Variants in PUS7 observed in about 807,000 individuals in gnomAD.
PUS7 encodes pseudouridine synthase 7, also known as pseudouridylate synthase 7 homolog.
PUS7 carries 48 observed loss-of-function variants against 79.8 expected under a neutral mutation model. The ratio of observed to expected loss-of-function variants is 0.60; its 90% CI spans 0.48 to 0.76. The LOEUF is 0.76. PUS7 is among the 30% of genes least tolerant of loss of function. The pLI, the probability that PUS7 is intolerant of heterozygous loss-of-function variation, is 0.00. For missense variants in PUS7, 729 were observed against 797.6 expected, an observed-to-expected ratio of 0.91 and a Z score of 1.04; for synonymous variants, 286 against 272.2, an observed-to-expected ratio of 1.05 and a Z score of -0.50.
At chr7:105,505,912 C>T in intron 4 of PUS7, 43 bp downstream of exon 4, 1 of 1,504,942 alleles carries the variant, frequency 6.6e-7, no homozygotes. Flanking sequence ...CAAAAAGCAA[C>T]TAAAACCCTA....
intron 1 of PUS7, among the ~76,000 whole-genome samples, chr7:105,513,042 T>A (rs1825759292): frequency 6.6e-6 from 1 of 151,970 alleles, no homozygotes; most frequent in Non-Finnish European, 1.5e-5. Context: ...GAAGAGCAGG[T>A]GTTGGAAGAA....
rs1454813088 is a variant in PUS7, at chr7:105,459,180, C to T, written c.1837G>A (p.Val613Ile). 2 of 1,608,286 alleles carry T rather than the reference C, an allele frequency of 1.2e-6. No homozygotes were observed. The highest frequency in any genetic ancestry group is 3.4e-5 in the Admixed American group (2 of 59,554). The change falls in exon 15 of 16, where the codon GTT (valine) becomes ATT (isoleucine). Residue 613 changes from valine (V) to isoleucine (I), a missense_variant. Transcript: ENST00000469408. The part of the protein sequence containing the change: ...VDNLEGKTPP[V>I]FASEGKYRAL... The stretch of plus-strand genomic sequence containing the variant: ...TGAGTAAACTTACCAGAAGCAAAAA[C>T]TGGTGGTGTCTTCCCTTCTAGGTTG...
At chr7:105,516,101 G>A (rs368430465) in intron 1 of PUS7, among the ~76,000 whole-genome samples, 6 of 151,746 alleles carry the variant, frequency 4.0e-5, no homozygotes, top group East Asian at 2.0e-4. Flanking sequence ...GAGCCACCAC[G>A]CCTGGCCTAA....
intron 9 of PUS7, among the ~76,000 whole-genome samples, chr7:105,476,729 A>T (rs1824127401): frequency 6.6e-6 from 1 of 152,190 alleles, no homozygotes; most frequent in Admixed American, 6.5e-5. Flanking sequence ...CCACCAGCAA[A>T]GCCCAGGTTT....
In PUS7 at chr7:105,493,466, G is replaced by A. The variant is rs536843719; in HGVS notation, c.842+1676C>T. Among the ~76,000 whole-genome samples, 4 of 152,290 alleles carry A rather than the reference G, an allele frequency of 2.6e-5. 1 individual carries two copies. The highest frequency in any genetic ancestry group is 9.6e-5 in the African/African-American group (4 of 41,562). ...GCATAGTAGCACAGACTCTCTCCCA[G>A]GGAGTTAATAAATAGAGCAAAATAA... On this transcript the variant is annotated intron_variant, in intron 6 of 15. Coordinates refer to ENST00000469408, the MANE Select transcript of PUS7 (RefSeq NM_019042.5).
chr7:105,466,947 G>A (rs559466670), intron 12 of PUS7, among the ~76,000 whole-genome samples: 1 of 149,428 alleles, frequency 6.7e-6, no homozygotes, highest in Non-Finnish European at 1.5e-5. Context: ...AGCAGATCAT[G>A]TATTCAGCTA....
At chr7:105,501,948 C>T (rs750262283) in intron 5 of PUS7, among the ~76,000 whole-genome samples, 17 of 59,312 alleles carry the variant, frequency 2.9e-4, no homozygotes, top group Non-Finnish European at 4.8e-4. Flanking sequence ...GGGCGAGACT[C>T]CGTCTCAAAA....
intron 1 of PUS7, among the ~76,000 whole-genome samples, chr7:105,520,355 AGGC>A (rs1470519834): frequency 5.1e-4 from 77 of 152,224 alleles, no homozygotes; most frequent in African/African-American, 1.8e-3. Flanking sequence ...GCTACTCGGG[AGGC>A]TGAGGCAGGA....
chr7:105,462,498 T>C (rs998216215), intron 14 of PUS7, 123 bp downstream of exon 14: 3 of 1,001,576 alleles, frequency 3.0e-6, no homozygotes, highest in African/African-American at 3.4e-5. Context: ...GATACCACCA[T>C]CATATAAGCA....
At chr7:105,460,827 C>T (rs1176779830) in intron 14 of PUS7, among the ~76,000 whole-genome samples, 1 of 113,680 alleles carries the variant, frequency 8.8e-6, no homozygotes, top group African/African-American at 3.4e-5. Flanking sequence ...GCACTCCAGC[C>T]TGGGCGACAG....
chr7:105,471,985 TATAA>T (rs56140229), intron 10 of PUS7, 143 bp downstream of exon 10: 12,833 of 540,664 alleles, frequency 0.024, 202 homozygotes, highest in African/African-American at 0.036. Context: ...TGTTGAAAAA[TATAA>T]ATAAACTTAT....
chr7:105,462,683 A>G lies in PUS7; in HGVS notation c.1695T>C (p.Ile565=). Residue 565 remains isoleucine, a synonymous_variant, in exon 14 of 16, where the codon ATT becomes ATC. Transcript: ENST00000469408. ...AGGCCCCTGACAAGGAATAATCTCG[A>G]ATTTTGTGTCTCATGTTGTCAATAT... The part of the protein sequence containing the change: ...NLDIDNMRHK[I]RDYSLSGAYR... The G allele has an allele frequency of 1.2e-6, 2 of 1,613,832 alleles. No individual in the cohort carries two copies. Among genetic ancestry groups the G allele is most frequent in the Non-Finnish European group, 1.7e-6 (2 of 1,179,876 alleles).
At chr7:105,473,005 C>T (rs1290472669) in intron 9 of PUS7, among the ~76,000 whole-genome samples, 2 of 151,590 alleles carry the variant, frequency 1.3e-5, no homozygotes, top group Non-Finnish European at 2.9e-5. Context: ...TTGTGACCCA[C>T]CCGCCTTGGT....
At chr7:105,502,265 G>A (rs1825283176) in intron 5 of PUS7, among the ~76,000 whole-genome samples, 155 bp downstream of exon 5, 1 of 152,116 alleles carries the variant, frequency 6.6e-6, no homozygotes, top group South Asian at 2.1e-4. Context: ...CATCTGAAGT[G>A]ACAATACTCA....
chr7:105,498,624 A>C (rs973614046), intron 5 of PUS7, among the ~76,000 whole-genome samples: 2 of 152,188 alleles, frequency 1.3e-5, no homozygotes, highest in African/African-American at 4.8e-5. Flanking sequence ...ATGGGGTAGC[A>C]TGCGGAACAT....
At chr7:105,467,436 C>A (rs1287222713) in intron 12 of PUS7, among the ~76,000 whole-genome samples, 1 of 151,654 alleles carries the variant, frequency 6.6e-6, no homozygotes, top group Non-Finnish European at 1.5e-5. Flanking sequence ...ACTACAGGCG[C>A]CTGCCACCAC....
chr7:105,477,939 AC>A (rs1467186528), intron 9 of PUS7, among the ~76,000 whole-genome samples: 2 of 152,196 alleles, frequency 1.3e-5, no homozygotes, highest in African/African-American at 4.8e-5. Context: ...AGTAGCTAGG[AC>A]CAAAGCCAGG....
In PUS7 at chr7:105,470,732, G is replaced by T. The variant is rs921606828; in HGVS notation, c.1354C>A (p.Leu452Ile). The part of the protein sequence containing the change: ...RCVEGQLLRG[L>I]SKYGMKNIVS... The stretch of plus-strand genomic sequence containing the variant: ...ATATTCTTCATTCCATATTTTGAAA[G>T]TCCTCGAAGCAGCTGCCCTTCCACA... Residue 452 changes from leucine to isoleucine, a missense_variant, in exon 11 of 16, where the codon CTT becomes ATT. Leu to Ile is a conservative substitution (Grantham distance 5, BLOSUM62 2). Transcript: ENST00000469408. 1 of 1,610,364 alleles carries T rather than the reference G, an allele frequency of 6.2e-7. No homozygotes were observed. Among genetic ancestry groups the T allele is most frequent in the Non-Finnish European group, 8.5e-7 (1 of 1,177,318 alleles).
chr7:105,489,107 T>A (rs1824674376), intron 7 of PUS7, among the ~76,000 whole-genome samples: 1 of 121,278 alleles, frequency 8.2e-6, no homozygotes, highest in South Asian at 2.5e-4. Context: ...GAGATCCCAC[T>A]ACTGCACTCC....
Sources: allele counts gnomAD v4.1 joint callset (sites outside exome capture counted in the v4.1 genomes callset), GRCh38; gene constraint gnomAD v4.1.1; transcripts MANE v1.5; gene names NCBI Gene and HGNC (gene_info 2026-07-23, HGNC 2026-07-21).